CA13: variants seen among roughly 807,000 people sequenced by gnomAD.
CA13 encodes the protein carbonic anhydrase 13.
CA13 carries 21 observed loss-of-function variants against 31.5 expected under a neutral mutation model. The observed-to-expected ratio is 0.67, with a 90% CI of 0.47 to 0.96. The LOEUF is 0.96. Ranked by LOEUF, CA13 falls within the 40% of genes least tolerant of loss-of-function variation. The pLI, the probability that CA13 is intolerant of heterozygous loss-of-function variation, is 0.00. For synonymous variants in CA13, 117 were observed against 111.4 expected, an observed-to-expected ratio of 1.05 and a Z score of -0.32; for missense variants, 315 against 318.9, an observed-to-expected ratio of 0.99 and a Z score of 0.09.
chr8:85,246,043 C>T lies in CA13; in HGVS notation c.37+178C>T, dbSNP rs551852757. 3.9e-5 allele frequency among the ~76,000 whole-genome samples: 6 copies of T among 152,304 alleles called. No homozygotes were observed. In the East Asian group the frequency reaches 9.7e-4, roughly 25 times the overall value. ...TGCGAGAAGCGGAGAGCAGTCTTGT[C>T]AGGGTAGACGGGTTGTTGGTGGTGG... is the stretch of plus-strand genomic sequence containing the variant. On this transcript the variant is annotated intron_variant, in intron 1 of 6. Coordinates refer to ENST00000321764, the MANE Select transcript of CA13 (RefSeq NM_198584.3).
At position 85,245,528 on chromosome 8, in the gene CA13, T is replaced by TC. The variant is rs1317142161; in HGVS notation, c.-294dup. ...TGACGACTCCTCAGAAGGCAGGAGA[T>TC]CCCCCCCGGAAACCTTTCTCTCTCC... On this transcript the variant is annotated 5_prime_UTR_variant, in exon 1 of 7. Coordinates refer to ENST00000321764, the MANE Select transcript of CA13 (RefSeq NM_198584.3). The TC allele has an allele frequency of 3.6e-5, 15 of 411,936 alleles. No individual in the cohort carries two copies. The highest frequency in any genetic ancestry group is 6.7e-4 in the Middle Eastern group (1 of 1,490). 25.5% of individuals were successfully genotyped at this position (411,936 alleles called of 1,614,324 possible).
chr8:85,249,858 C>G (rs1356679571), intron 1 of CA13: 1 of 452,024 alleles, frequency 2.2e-6, no homozygotes, highest in African/African-American at 2.0e-5. Context: ...TTTTGAGAGG[C>G]AAGACTTTAT....
intron 6 of CA13, 50 bp downstream of exon 6, chr8:85,268,677 CTTTTT>C (rs10712447): frequency 3.9e-4 from 381 of 973,556 alleles, no homozygotes; most frequent in South Asian, 6.9e-4. Context: ...GGAAACTGGG[CTTTTT>C]TTTTTTTTTT....
intron 6 of CA13, among the ~76,000 whole-genome samples, chr8:85,274,388 G>A (rs918676568): frequency 1.3e-4 from 20 of 152,284 alleles, no homozygotes; most frequent in African/African-American, 4.1e-4. Context: ...GGAACCCAAT[G>A]ATGAAGATTA....
At chr8:85,263,033 T>C (rs1807406004) in intron 3 of CA13, among the ~76,000 whole-genome samples, 1 of 152,164 alleles carries the variant, frequency 6.6e-6, no homozygotes. Context: ...TAGGAAAAGC[T>C]TCTTTGAGGT....
chr8:85,267,359 G>T, intron 4 of CA13: 1 of 892,916 alleles, frequency 1.1e-6, no homozygotes, highest in Non-Finnish European at 1.3e-6. Context: ...AAACCTTCAG[G>T]TAGATTCAGA....
At chr8:85,245,998 CAGCACTCCTGGG>C (rs1813721385) in intron 1 of CA13, 133 bp downstream of exon 1, 20 of 969,040 alleles carry the variant, frequency 2.1e-5, no homozygotes, top group Admixed American at 3.5e-5. Flanking sequence ...TTAAACTAAG[CAGCACTCCTGGG>C]AGCCCAGTGC....
chr8:85,248,843 T>C (rs1015863350), intron 1 of CA13, among the ~76,000 whole-genome samples: 3 of 152,232 alleles, frequency 2.0e-5, no homozygotes, highest in African/African-American at 7.2e-5. Context: ...CACCTGCATA[T>C]TGTAACACAT....
At chr8:85,280,550 C>G (rs941287768) in intron 6 of CA13, among the ~76,000 whole-genome samples, 8 of 152,118 alleles carry the variant, frequency 5.3e-5, no homozygotes, top group Non-Finnish European at 1.2e-4. Context: ...GTTCTCATTC[C>G]TAATAATTTG....
intron 6 of CA13, among the ~76,000 whole-genome samples, chr8:85,276,625 T>C (rs1163535467): frequency 6.6e-6 from 1 of 151,954 alleles, no homozygotes; most frequent in East Asian, 1.9e-4. Context: ...GGTTTATGAA[T>C]GCACCAATGG....
chr8:85,268,578 G>C lies in CA13; in HGVS notation c.620G>C (p.Ser207Thr), dbSNP rs1406921370. 5 of 1,613,720 alleles carry C rather than the reference G, an allele frequency of 3.1e-6. No homozygotes were observed. In the East Asian group the frequency reaches 1.1e-4, roughly 36 times the overall value. The change falls in exon 6 of 7, where the codon AGT becomes ACT. Residue 207 changes from serine to threonine, a missense_variant. Physicochemically the swap from Ser to Thr is moderately conservative, Grantham distance 58 (BLOSUM62 1). Coordinates refer to ENST00000321764, the MANE Select transcript of CA13 (RefSeq NM_198584.3). Reference sequence around the variant, plus strand: ...CTTACAGTTCCACCTCTTCTTGAGAGTGTCACATGGATTGTTTTAAAGCAA... The same window carrying C: ...CTTACAGTTCCACCTCTTCTTGAGACTGTCACATGGATTGTTTTAAAGCAA... ...GSLTVPPLLESVTWIVLKQPI... is the reference protein window; with the variant it reads ...GSLTVPPLLETVTWIVLKQPI...
intron 2 of CA13, among the ~76,000 whole-genome samples, chr8:85,253,974 AAGAT>A (rs916727073): frequency 6.6e-6 from 1 of 152,112 alleles, no homozygotes; most frequent in African/African-American, 2.4e-5. Context: ...AGAAAATAAA[AAGAT>A]AAATAAATAA....
chr8:85,280,424 T>C (rs1807685954), intron 6 of CA13, among the ~76,000 whole-genome samples: 1 of 152,222 alleles, frequency 6.6e-6, no homozygotes. Context: ...TCTGCCCCCG[T>C]CCTGGTTAGT....
At chr8:85,269,677 G>C (rs1182604716) in intron 6 of CA13, among the ~76,000 whole-genome samples, 2 of 152,156 alleles carry the variant, frequency 1.3e-5, no homozygotes, top group Non-Finnish European at 2.9e-5. Flanking sequence ...TCATTCTTCT[G>C]TTAAATACTT....
At chr8:85,264,786 A>T (rs1246510004) in intron 3 of CA13, among the ~76,000 whole-genome samples, 1 of 152,236 alleles carries the variant, frequency 6.6e-6, no homozygotes, top group Non-Finnish European at 1.5e-5. Flanking sequence ...CAATTTTAAC[A>T]TCCTTATCAG....
At chr8:85,278,432 T>C (rs1455424240) in intron 6 of CA13, among the ~76,000 whole-genome samples, 1 of 152,046 alleles carries the variant, frequency 6.6e-6, no homozygotes, top group Admixed American at 6.6e-5. Context: ...GAGTGAGACA[T>C]GCGTGTGGAC....
intron 1 of CA13, among the ~76,000 whole-genome samples, chr8:85,247,321 A>G (rs1813749880): frequency 6.6e-6 from 1 of 152,212 alleles, no homozygotes; most frequent in African/African-American, 2.4e-5. Context: ...ACTCTTTAGT[A>G]GGTTAGAAAT....
chr8:85,281,508 CTCTT>C lies in CA13; in HGVS notation c.*161_*164del, dbSNP rs1807707057. The C allele has an allele frequency of 7.3e-7, 1 of 1,366,858 alleles. No individual in the cohort carries two copies. Among genetic ancestry groups the C allele is most frequent in the East Asian group, 2.8e-5 (1 of 35,834 alleles). The allele number at this position is 1,366,858 out of a possible 1,614,324, so 84.7% of individuals were successfully genotyped here. On this transcript the variant is annotated 3_prime_UTR_variant, in exon 7 of 7. Transcript: ENST00000321764. Reference sequence around the variant, plus strand: ...GTCACAAAGAAAACCAGATCTCTCTCTCTTTTTTTTTTATTTTTTTTAGTGATAG... The same window carrying C: ...GTCACAAAGAAAACCAGATCTCTCTCTTTTTTTTATTTTTTTTAGTGATAG...
intron 6 of CA13, among the ~76,000 whole-genome samples, chr8:85,274,729 T>C (rs1160907392): frequency 6.6e-6 from 1 of 152,172 alleles, no homozygotes; most frequent in Non-Finnish European, 1.5e-5. Flanking sequence ...GCTGGTAGTC[T>C]AATTGTTCTA....
Sources: allele counts gnomAD v4.1 joint callset (sites outside exome capture counted in the v4.1 genomes callset), GRCh38; gene constraint gnomAD v4.1.1; transcripts MANE v1.5; gene names NCBI Gene and HGNC (gene_info 2026-07-23, HGNC 2026-07-21).